Variants in CD80 observed in about 807,000 individuals in gnomAD.
CD80 encodes the protein T-lymphocyte activation antigen CD80.
CD80 carries 13 observed loss-of-function variants against 27.1 expected under a neutral mutation model. The ratio of observed to expected loss-of-function variants is 0.48; its 90% CI spans 0.31 to 0.76. The LOEUF (loss-of-function observed/expected upper bound fraction) is 0.76, where lower values mean the gene tolerates loss of function less well. Among genes scored for constraint, CD80 ranks in the 30% least tolerant of loss-of-function variants. CD80 has a pLI of 0.04. For synonymous variants in CD80, 125 were observed against 125.5 expected (o/e 1.00, Z 0.03); for missense variants, 277 against 347.9 (o/e 0.80, Z 1.62).
Position 119,557,656 on chromosome 3 carries a change from G to A in CD80, c.73C>T (p.Leu25=), listed in dbSNP as rs762927142. The change falls in exon 2 of 7, where the codon CTG becomes TTG. Residue 25 remains leucine, a synonymous_variant. Coordinates refer to ENST00000264246, the MANE Select transcript of CD80 (RefSeq NM_005191.4). ...PYLNFFQLLV[L]AGLSHFCSGV... ...GAACAGAAGTGAGAAAGACCAGCCA[G>A]CACCAAGAGCTGAAAGAAATTGAGG... 6.2e-7 allele frequency: 1 copy of A among 1,613,660 alleles called. No homozygotes were observed. Among genetic ancestry groups the A allele is most frequent in the Non-Finnish European group, 8.5e-7 (1 of 1,179,750 alleles).
At chr3:119,555,925 C>T (rs1318433356) in intron 2 of CD80, among the ~76,000 whole-genome samples, 2 of 152,220 alleles carry the variant, frequency 1.3e-5, no homozygotes, top group Non-Finnish European at 2.9e-5. Context: ...CCAGAATTCT[C>T]TCTCCATCAT....
chr3:119,531,561 C>T (rs890373931), intron 4 of CD80, among the ~76,000 whole-genome samples: 35 of 152,194 alleles, frequency 2.3e-4, no homozygotes, highest in African/African-American at 7.0e-4. Context: ...GCACCACAGG[C>T]GGAGCTAGCA....
chr3:119,530,116 A>C (rs1016119450), intron 4 of CD80, among the ~76,000 whole-genome samples, 179 bp from the exon 5 acceptor site: 5 of 152,200 alleles, frequency 3.3e-5, no homozygotes, highest in African/African-American at 1.2e-4. Flanking sequence ...GTGGGCAACT[A>C]ATAGTCAGAT....
intron 6 of CD80, among the ~76,000 whole-genome samples, chr3:119,526,197 G>C (rs13092998): frequency 6.6e-6 from 1 of 152,030 alleles, no homozygotes; most frequent in Non-Finnish European, 1.5e-5. Context: ...ATACAGTCCA[G>C]TAAAGGATAG....
intron 4 of CD80, among the ~76,000 whole-genome samples, chr3:119,531,829 A>G (rs550985502): frequency 9.9e-5 from 15 of 152,052 alleles, no homozygotes; most frequent in African/African-American, 3.6e-4. Context: ...ACACCCAGCT[A>G]ATTTTTGTAT....
At chr3:119,557,599 G>A in intron 2 of CD80, 30 bp downstream of exon 2, 1 of 1,497,048 alleles carries the variant, frequency 6.7e-7, no homozygotes, top group Non-Finnish European at 9.3e-7. Context: ...TGTAGCAGTT[G>A]ACTCAGTTAA....
At chr3:119,546,158 C>T (rs2082201630) in intron 2 of CD80, among the ~76,000 whole-genome samples, 1 of 152,162 alleles carries the variant, frequency 6.6e-6, no homozygotes, top group Non-Finnish European at 1.5e-5. Flanking sequence ...TATGAGCCTT[C>T]TCTCACAGCA....
At chr3:119,552,920 A>G (rs1413098683) in intron 2 of CD80, among the ~76,000 whole-genome samples, 1 of 152,126 alleles carries the variant, frequency 6.6e-6, no homozygotes, top group African/African-American at 2.4e-5. Flanking sequence ...TCATAGAGAC[A>G]GAGAGTAAAT....
At chr3:119,537,049 C>T in intron 4 of CD80, 88 bp downstream of exon 4, 1 of 1,199,262 alleles carries the variant, frequency 8.3e-7, no homozygotes, top group Non-Finnish European at 1.2e-6. Context: ...ATGCATTTCT[C>T]AAAATGTATC....
At chr3:119,538,553 G>C (rs2082151272) in intron 3 of CD80, among the ~76,000 whole-genome samples, 1 of 152,100 alleles carries the variant, frequency 6.6e-6, no homozygotes, top group Non-Finnish European at 1.5e-5. Flanking sequence ...CTTTTTAAAA[G>C]GTCGTCTTTT....
chr3:119,532,418 G>C (rs1406516424), intron 4 of CD80, among the ~76,000 whole-genome samples: 3 of 151,946 alleles, frequency 2.0e-5, no homozygotes, highest in Non-Finnish European at 4.4e-5. Context: ...GCTTGAACCA[G>C]GGAGACAGAG....
intron 6 of CD80, 27 bp downstream of exon 6, chr3:119,527,706 T>A: frequency 7.5e-7 from 1 of 1,335,994 alleles, no homozygotes; most frequent in Middle Eastern, 1.8e-4. Context: ...ACGATCCATG[T>A]ATCCCAGAAG....
chr3:119,556,989 T>C (rs1189707595), intron 2 of CD80, among the ~76,000 whole-genome samples: 1 of 152,214 alleles, frequency 6.6e-6, no homozygotes, highest in African/African-American at 2.4e-5. Flanking sequence ...GACATATATG[T>C]AATACCTATG....
chr3:119,544,821 G>GGACAGC lies in CD80; in HGVS notation c.141_146dup (p.Leu48_Ser49dup). The GGACAGC allele has an allele frequency of 6.2e-7, 1 of 1,614,180 alleles. No homozygotes were observed. Among genetic ancestry groups the GGACAGC allele is most frequent in the Non-Finnish European group, 8.5e-7 (1 of 1,180,028 alleles). On this transcript the variant is annotated inframe_insertion, in exon 3 of 7. Transcript: ENST00000264246. ...CTTCAACAGAAACATTGTGACCACAGGACAGCGTTGCCACTTCTTTCACTT... is the reference window on the plus strand; with the variant it reads ...CTTCAACAGAAACATTGTGACCACAGGACAGCGACAGCGTTGCCACTTCTTTCACTT...
rs2082058752 is a variant in CD80 at position 119,525,392 on chromosome 3, T to C, written c.*396A>G. Reference sequence around the variant, plus strand: ...ACTTTGCCTGACATATATATGTATATACCAGTTAACAGGCCACAGTCAAAC... The same window carrying C: ...ACTTTGCCTGACATATATATGTATACACCAGTTAACAGGCCACAGTCAAAC... On this transcript the variant is annotated 3_prime_UTR_variant, in exon 7 of 7. Coordinates refer to ENST00000264246, the MANE Select transcript of CD80 (RefSeq NM_005191.4). The C allele has an allele frequency of 6.6e-6, 1 of 152,206 alleles. No homozygotes were observed. Among genetic ancestry groups the C allele is most frequent in the Admixed American group, 6.5e-5 (1 of 15,278 alleles). 9.4% of individuals were successfully genotyped at this position (152,206 alleles called of 1,614,324 possible). A position where few individuals can be genotyped will look rare whatever the true frequency, so the allele number is the denominator to read the frequency against.
intron 6 of CD80, among the ~76,000 whole-genome samples, chr3:119,527,110 G>A (rs10934493): frequency 0.073 from 11,059 of 152,244 alleles, 560 homozygotes; most frequent in African/African-American, 0.14. Context: ...CCCCATTCAT[G>A]TGAGGCACTG....
chr3:119,541,436 C>A (rs924573089), intron 3 of CD80, among the ~76,000 whole-genome samples: 1 of 152,164 alleles, frequency 6.6e-6, no homozygotes, highest in Non-Finnish European at 1.5e-5. Context: ...GGGTAACCAA[C>A]GTGTCCTATT....
At chr3:119,542,664 C>T (rs966666074) in intron 3 of CD80, among the ~76,000 whole-genome samples, 9 of 152,160 alleles carry the variant, frequency 5.9e-5, no homozygotes, top group Admixed American at 5.9e-4. Context: ...TGCTTCTAAC[C>T]TCCAAGCTAT....
chr3:119,534,164 G>C (rs1333365128), intron 4 of CD80, among the ~76,000 whole-genome samples: 1 of 152,104 alleles, frequency 6.6e-6, no homozygotes, highest in Non-Finnish European at 1.5e-5. Context: ...GAGATCAGGA[G>C]TTCGAGACCA....
Sources: allele counts gnomAD v4.1 joint callset (sites outside exome capture counted in the v4.1 genomes callset), GRCh38; gene constraint gnomAD v4.1.1; transcripts MANE v1.5; gene names NCBI Gene and HGNC (gene_info 2026-07-23, HGNC 2026-07-21).